SAMD12: variants seen among roughly 807,000 people sequenced by gnomAD.
The protein encoded by SAMD12 is sterile alpha motif domain-containing protein 12.
A neutral mutation model predicts 15.0 loss-of-function variants in SAMD12; 9 were observed. That is an observed-to-expected ratio of 0.60 (90% CI 0.36 to 1.05). The LOEUF (loss-of-function observed/expected upper bound fraction) is 1.05. SAMD12 is among the 50% of genes least tolerant of loss of function. The probability of loss-of-function intolerance (pLI) is 0.01; values close to 1 mark genes in which losing one functional copy is unlikely to be tolerated. For missense variants in SAMD12, 230 were observed against 234.2 expected (o/e 0.98, Z 0.12); for synonymous variants, 86 against 90.1 (o/e 0.96, Z 0.25).
chr8:118,218,103 A>C (rs1008730763), intron 4 of SAMD12, among the ~76,000 whole-genome samples: 1 of 152,196 alleles, frequency 6.6e-6, no homozygotes, highest in African/African-American at 2.4e-5. Flanking sequence ...CAAGAAGACA[A>C]GTATACTGAT....
At chr8:118,329,111 T>C (rs1165155697) in intron 4 of SAMD12, among the ~76,000 whole-genome samples, 1 of 150,766 alleles carries the variant, frequency 6.6e-6, no homozygotes, top group African/African-American at 2.4e-5. Flanking sequence ...AGGAAGAAAT[T>C]TTGGAAAAGT....
intron 2 of SAMD12, among the ~76,000 whole-genome samples, chr8:118,457,699 C>G (rs759789654): frequency 4.6e-5 from 7 of 152,146 alleles, no homozygotes; most frequent in Non-Finnish European, 8.8e-5. Flanking sequence ...ATAAGAAACA[C>G]TGTACAATAT....
intron 2 of SAMD12, among the ~76,000 whole-genome samples, chr8:118,503,611 GA>G (rs991024576): frequency 3.9e-5 from 6 of 152,124 alleles, no homozygotes; most frequent in Admixed American, 2.0e-4. Context: ...CCTTTCTAAG[GA>G]AATTGAGAAA....
intron 2 of SAMD12, among the ~76,000 whole-genome samples, chr8:118,458,871 T>C (rs1399133400): frequency 6.6e-6 from 1 of 152,190 alleles, no homozygotes; most frequent in African/African-American, 2.4e-5. Context: ...TGAAAATCTG[T>C]AGATTTAATG....
At chr8:118,453,641 C>T (rs1216640510) in intron 2 of SAMD12, among the ~76,000 whole-genome samples, 1 of 152,048 alleles carries the variant, frequency 6.6e-6, no homozygotes, top group Non-Finnish European at 1.5e-5. Context: ...CTATCTCAGC[C>T]CCACAAGCAA....
intron 2 of SAMD12, among the ~76,000 whole-genome samples, chr8:118,574,260 C>T (rs544571704): frequency 6.6e-6 from 1 of 152,244 alleles, no homozygotes; most frequent in Non-Finnish European, 1.5e-5. Context: ...CTGATACACT[C>T]GCCTGAACAC....
chr8:118,144,956 C>T, the SAMD12 span, among the ~76,000 whole-genome samples: 1 of 152,152 alleles, frequency 6.6e-6, no homozygotes, highest in Non-Finnish European at 1.5e-5. Context: ...GTTTGCTTGC[C>T]TCAAGGAGTT....
At chr8:118,297,418 G>T (rs1020548010) in intron 4 of SAMD12, among the ~76,000 whole-genome samples, 3 of 152,166 alleles carry the variant, frequency 2.0e-5, no homozygotes, top group African/African-American at 7.2e-5. Context: ...TTTAAGGGAA[G>T]GTCACGTCAC....
At chr8:118,287,200 C>T (rs1554622932) in intron 4 of SAMD12, among the ~76,000 whole-genome samples, 1 of 151,110 alleles carries the variant, frequency 6.6e-6, no homozygotes, top group Non-Finnish European at 1.5e-5. Context: ...TCTCGGCTCA[C>T]TGCAAGCTCC....
intron 2 of SAMD12, among the ~76,000 whole-genome samples, chr8:118,446,219 T>C (rs991917882): frequency 9.9e-5 from 15 of 151,968 alleles, no homozygotes; most frequent in South Asian, 2.1e-4. Context: ...TTTTTTTTTT[T>C]TTTTAAAGGA....
At chr8:118,201,281 C>T (rs189361786) in intron 4 of SAMD12, among the ~76,000 whole-genome samples, 203 of 152,280 alleles carry the variant, frequency 1.3e-3, no homozygotes, top group Non-Finnish European at 2.2e-3. Context: ...CCAGGTCTTG[C>T]TGATCCTTTC....
intron 4 of SAMD12, among the ~76,000 whole-genome samples, chr8:118,280,494 G>A (rs1332495884): frequency 2.0e-5 from 3 of 152,070 alleles, no homozygotes; most frequent in East Asian, 1.9e-4. Flanking sequence ...GAAATATGGC[G>A]AAGGTGGCCT....
intron 2 of SAMD12, among the ~76,000 whole-genome samples, chr8:118,528,942 G>GT (rs1398964023): frequency 6.6e-6 from 1 of 152,118 alleles, no homozygotes; most frequent in Non-Finnish European, 1.5e-5. Flanking sequence ...CACCCCCGCC[G>GT]TAAGGCAGAA....
At chr8:118,355,571 C>T (rs1409677461) in intron 4 of SAMD12, among the ~76,000 whole-genome samples, 1 of 152,050 alleles carries the variant, frequency 6.6e-6, no homozygotes, top group Non-Finnish European at 1.5e-5. Context: ...AGGTATAGAG[C>T]AAAGGGATAG....
At chr8:118,504,890 A>G (rs1824881669) in intron 2 of SAMD12, among the ~76,000 whole-genome samples, 1 of 152,202 alleles carries the variant, frequency 6.6e-6, no homozygotes, top group Non-Finnish European at 1.5e-5. Flanking sequence ...AGGTCCAGCC[A>G]CAAGCACAGC....
intron 3 of SAMD12, among the ~76,000 whole-genome samples, chr8:118,425,198 A>G (rs945825605): frequency 1.3e-5 from 2 of 152,152 alleles, no homozygotes; most frequent in Non-Finnish European, 2.9e-5. Context: ...TTGGCCTCCC[A>G]AAGTGCTGGG....
chr8:118,173,812 T>G, the SAMD12 span, among the ~76,000 whole-genome samples: 1 of 151,900 alleles, frequency 6.6e-6, no homozygotes, highest in Non-Finnish European at 1.5e-5. Flanking sequence ...GTATTTTTAG[T>G]AGAGACGGGG....
intron 2 of SAMD12, among the ~76,000 whole-genome samples, chr8:118,573,778 A>T (rs1827081013): frequency 6.6e-6 from 1 of 152,158 alleles, no homozygotes; most frequent in South Asian, 2.1e-4. Context: ...TAACCAAATA[A>T]CTATGAGGCA....
intron 4 of SAMD12, among the ~76,000 whole-genome samples, chr8:118,321,720 C>T (rs1411516885): frequency 6.6e-6 from 1 of 152,104 alleles, no homozygotes; most frequent in African/African-American, 2.4e-5. Flanking sequence ...AACTTTGGAG[C>T]TACACTCCTT....
Sources: gnomAD v4.1 joint callset for allele counts (sites outside exome capture counted in the v4.1 genomes callset) on GRCh38, gnomAD v4.1.1 for gene constraint, MANE v1.5 for transcripts, NCBI Gene and HGNC (gene_info 2026-07-23, HGNC 2026-07-21) for gene names.